The following RFC3 variants were observed in gnomAD, a reference collection of about 807,000 sequenced individuals.
The protein encoded by RFC3 is A1 38 kDa subunit.
A neutral mutation model predicts 45.1 loss-of-function variants in RFC3; 41 were observed. The ratio of observed to expected loss-of-function variants is 0.91; its 90% CI spans 0.71 to 1.18. The LOEUF (loss-of-function observed/expected upper bound fraction) is 1.18, where lower values mean the gene tolerates loss of function less well. Among genes scored for constraint, RFC3 ranks in the 50% most tolerant of loss-of-function variants. The pLI is 0.00. For missense variants in RFC3, 423 were observed against 428.1 expected, an observed-to-expected ratio of 0.99 and a Z score of 0.10; for synonymous variants, 149 against 144.0, an observed-to-expected ratio of 1.03 and a Z score of -0.25.
chr13:33,931,150 A>G (rs1434903422), intron 8 of RFC3, among the ~76,000 whole-genome samples: 3 of 152,146 alleles, frequency 2.0e-5, no homozygotes, highest in Non-Finnish European at 4.4e-5. Context: ...CCAGAAAGCA[A>G]CATAGTGAGA....
intron 8 of RFC3, among the ~76,000 whole-genome samples, chr13:33,870,545 T>A (rs527481959): frequency 1.3e-5 from 2 of 152,300 alleles, no homozygotes; most frequent in East Asian, 3.9e-4. Flanking sequence ...CAACAGTCTG[T>A]CAGGAAGAGA....
chr13:33,877,150 C>T (rs997220012), intron 8 of RFC3, among the ~76,000 whole-genome samples: 4 of 152,204 alleles, frequency 2.6e-5, no homozygotes, highest in East Asian at 1.9e-4. Flanking sequence ...TTAGCAGCCA[C>T]ATTTTTACCT....
At chr13:33,916,271 A>G (rs928200847) in intron 8 of RFC3, among the ~76,000 whole-genome samples, 4 of 152,142 alleles carry the variant, frequency 2.6e-5, no homozygotes, top group African/African-American at 7.2e-5. Context: ...GAAAGGTGCA[A>G]TTTCCAAAAC....
chr13:33,856,153 A>G (rs2082307729), intron 8 of RFC3, among the ~76,000 whole-genome samples: 1 of 152,316 alleles, frequency 6.6e-6, no homozygotes, highest in South Asian at 2.1e-4. Context: ...TATATGGTAT[A>G]AGGAAGTAAA....
chr13:33,871,217 A>G (rs952728127), intron 8 of RFC3, among the ~76,000 whole-genome samples: 1 of 152,162 alleles, frequency 6.6e-6, no homozygotes, highest in Non-Finnish European at 1.5e-5. Context: ...ATAACAAATA[A>G]CCATAAATCA....
chr13:33,948,355 C>T (rs905919480), intron 8 of RFC3, among the ~76,000 whole-genome samples: 5 of 152,216 alleles, frequency 3.3e-5, no homozygotes, highest in Non-Finnish European at 5.9e-5. Context: ...AGAACCTCTG[C>T]CTAGATTTCG....
rs1398767811 is a variant in RFC3 at position 33,825,873 on chromosome 13, A to G, written c.378A>G (p.Gln126=). ...CACAACAACTTGAAACAAACTCTCA[A>G]AGGGATTTTAAAGGTAGGTGATCAA... is the stretch of plus-strand genomic sequence containing the variant. The part of the protein sequence containing the change: ...AQSQQLETNS[Q]RDFKVVLLTE... The change falls in exon 4 of 9, where the codon CAA becomes CAG. Residue 126 remains glutamine, a synonymous_variant. Coordinates refer to ENST00000380071, the MANE Select transcript of RFC3 (RefSeq NM_002915.4). The G allele has an allele frequency of 2.5e-6, 4 of 1,604,278 alleles. No individual in the cohort carries two copies. Among genetic ancestry groups the G allele is most frequent in the Non-Finnish European group, 3.4e-6 (4 of 1,174,278 alleles).
At chr13:33,951,906 C>CG (rs2082993586) in intron 8 of RFC3, among the ~76,000 whole-genome samples, 1 of 152,072 alleles carries the variant, frequency 6.6e-6, no homozygotes, top group Non-Finnish European at 1.5e-5. Flanking sequence ...GAATTTGATC[C>CG]GGAGAGCTTA....
downstream of RFC3, among the ~76,000 whole-genome samples, chr13:33,967,408 A>G (rs983068474): frequency 2.0e-5 from 3 of 152,084 alleles, no homozygotes; most frequent in South Asian, 4.2e-4. Context: ...TCTGGAGAGT[A>G]CAATATATAT....
Position 33,831,354 on chromosome 13 carries a change from G to T in RFC3, c.809G>T (p.Arg270Met). The T allele has an allele frequency of 6.5e-7, 1 of 1,540,122 alleles. No individual in the cohort carries two copies. Among genetic ancestry groups the T allele is most frequent in the Non-Finnish European group, 9.0e-7 (1 of 1,112,768 alleles). The change falls in exon 7 of 9, where the codon AGG (arginine) becomes ATG (methionine). Residue 270 changes from arginine to methionine, a missense_variant and splice_region_variant. Coordinates refer to ENST00000380071, the MANE Select transcript of RFC3 (RefSeq NM_002915.4). ...ATTGTCAGTCAGCAAACTCCACAAA[G>T]GTACCAGTATAAAATGATGACAGTA... ...NAIVSQQTPQ[R>M]LLEVRGRLYE...
chr13:33,867,653 C>T (rs113486482), intron 8 of RFC3, among the ~76,000 whole-genome samples: 4,528 of 152,142 alleles, frequency 0.03, 135 homozygotes, highest in African/African-American at 0.069. Flanking sequence ...TACAGCTGCC[C>T]CCTACAGGCC....
intron 8 of RFC3, among the ~76,000 whole-genome samples, chr13:33,935,942 A>G (rs2082883403): frequency 6.6e-6 from 1 of 152,226 alleles, no homozygotes; most frequent in African/African-American, 2.4e-5. Flanking sequence ...AAGCTGCTGC[A>G]TGAACAGCAT....
intron 8 of RFC3, among the ~76,000 whole-genome samples, chr13:33,919,129 C>T (rs1345005839): frequency 1.3e-5 from 2 of 152,084 alleles, no homozygotes; most frequent in Non-Finnish European, 2.9e-5. Context: ...CCCAAACAAT[C>T]ATTATTGTTT....
intron 8 of RFC3, among the ~76,000 whole-genome samples, chr13:33,866,716 C>T (rs2082375979): frequency 6.6e-6 from 1 of 152,058 alleles, no homozygotes; most frequent in South Asian, 2.1e-4. Flanking sequence ...AGTGATTTAC[C>T]ATGGTAACTG....
rs541978867 is a variant in RFC3, at chr13:33,874,087, A to G, written c.879+38870A>G. Among the ~76,000 whole-genome samples the G allele has an allele frequency of 3.3e-5, 5 of 152,304 alleles. No homozygotes were observed. In the South Asian group the frequency reaches 8.3e-4, roughly 25 times the overall value. On this transcript the variant is annotated intron_variant, in intron 8 of 8. Coordinates refer to the RFC3 transcript ENST00000434425. ...GCATCCTACTTTGGGAATAACTTTA[A>G]TTTATGCGCCATCATCCTCTTCTGG... is the stretch of plus-strand genomic sequence containing the variant.
At chr13:33,824,334 A>G (rs2082030100) in intron 3 of RFC3, among the ~76,000 whole-genome samples, 1 of 152,150 alleles carries the variant, frequency 6.6e-6, no homozygotes, top group Admixed American at 6.5e-5. Context: ...TGGAGTAAAT[A>G]TTTCAGAAAT....
rs149836905 is a variant in RFC3, at chr13:33,885,396, T to A, written c.879+50179T>A. 1.9e-4 allele frequency among the ~76,000 whole-genome samples: 29 copies of A among 152,276 alleles called. 1 individual carries two copies. The East Asian group carries it at 5.0e-3, about 26-fold the overall frequency. The stretch of plus-strand genomic sequence containing the variant: ...GTACGGTTTTGTTACATGCATATAC[T>A]GCATAGTGATAAAGTCTGGGCTTTT... On this transcript the variant is annotated intron_variant, in intron 8 of 8. Transcript: ENST00000434425.
chr13:33,959,354 G>A (rs1030725011), intron 8 of RFC3, among the ~76,000 whole-genome samples: 4 of 152,052 alleles, frequency 2.6e-5, no homozygotes, highest in African/African-American at 4.8e-5. Flanking sequence ...CTCTCCACAC[G>A]TCAACACCTG....
chr13:33,912,086 T>G (rs17080134), intron 8 of RFC3, among the ~76,000 whole-genome samples: 10,877 of 152,156 alleles, frequency 0.071, 640 homozygotes, highest in African/African-American at 0.16. Flanking sequence ...TATTTGCAAA[T>G]TCTTAGCCAT....
Sources: gnomAD v4.1 joint callset for allele counts (sites outside exome capture counted in the v4.1 genomes callset) on GRCh38, gnomAD v4.1.1 for gene constraint, MANE v1.5 for transcripts, NCBI Gene and HGNC (gene_info 2026-07-23, HGNC 2026-07-21) for gene names.